Variants in SLC4A3 observed in about 807,000 individuals in gnomAD.
The protein encoded by SLC4A3 is solute carrier family 4 member 3.
In SLC4A3, 47 loss-of-function variants were observed where a neutral mutation model predicts 114.2. The ratio of observed to expected loss-of-function variants is 0.41; its 90% CI spans 0.33 to 0.52. The LOEUF is 0.52. Ranked by LOEUF, SLC4A3 falls within the 20% of genes least tolerant of loss-of-function variation. SLC4A3 has a pLI of 0.21. For missense variants in SLC4A3, 1,312 were observed against 1,668.3 expected (o/e 0.79, Z 3.72); for synonymous variants, 693 against 710.3 (o/e 0.98, Z 0.39).
rs141276668 is a variant in SLC4A3, at chr2:219,635,483, G to A, written c.1959G>A (p.Thr653=). Residue 653 remains threonine (T), a synonymous_variant, in exon 13 of 23, where the codon ACG becomes ACA. Transcript: ENST00000358055. The part of the protein sequence containing the change: ...KVEMTTRGGY[T]APGKELSLEL... Reference sequence around the variant, plus strand: ...AGATGACCACACGGGGTGGCTACACGGCCCCTGGGAAAGGTCAGACCCTTG... The same window carrying A: ...AGATGACCACACGGGGTGGCTACACAGCCCCTGGGAAAGGTCAGACCCTTG... 5.7e-5 allele frequency: 92 copies of A among 1,610,720 alleles called. No homozygotes were observed. In the African/African-American group the frequency reaches 1.0e-3, roughly 18 times the overall value.
chr2:219,641,785 C>T lies in SLC4A3; in HGVS notation c.*57C>T, dbSNP rs1699335084. 17 of 1,447,298 alleles carry T rather than the reference C, an allele frequency of 1.2e-5. No homozygotes were observed. In the South Asian group the frequency reaches 2.0e-4, roughly 17 times the overall value. 89.7% of individuals were successfully genotyped at this position (1,447,298 alleles called of 1,614,324 possible). A position where few individuals can be genotyped will look rare whatever the true frequency, so the allele number is the denominator to read the frequency against. ...AGACCTTAGGGATTGACACCTGGGC[C>T]TCAGGCAGAGCCCAGCCCTGGGCTG... On this transcript the variant is annotated 3_prime_UTR_variant, in exon 23 of 23. Transcript: ENST00000358055. This position sits in a 1 kb window ranked among gnomAD's most constrained non-coding sequence, Gnocchi z 4.0.
At chr2:219,627,768 G>A (rs1574641875) in intron 1 of SLC4A3, 23 bp downstream of exon 1, 2 of 351,428 alleles carry the variant, frequency 5.7e-6, no homozygotes, top group South Asian at 1.1e-4. Context: ...GGGGCACGCC[G>A]GGCAGGGCGG....
In SLC4A3 at chr2:219,639,523, C is replaced by T; in HGVS notation, c.3065C>T (p.Ser1022Phe). ...AAGGCGCGGAGGCTGCTCAAGGGCT[C>T]CGGTTTCCACCTGGACCTGCTCCTC... ...SQKARRLLKG[S>F]GFHLDLLLIG... is the part of the protein sequence containing the mutation. The change falls in exon 20 of 23, where the codon TCC becomes TTC. Residue 1022 changes from serine (S) to phenylalanine (F), a missense_variant. Physicochemically the swap from Ser to Phe is radical, Grantham distance 155. Coordinates refer to ENST00000358055, the MANE Select transcript of SLC4A3 (RefSeq NM_005070.4). This position sits in a 1 kb window ranked among gnomAD's most constrained non-coding sequence, Gnocchi z 5.9. 6.2e-7 allele frequency: 1 copy of T among 1,614,034 alleles called. No individual in the cohort carries two copies. Among genetic ancestry groups the T allele is most frequent in the Non-Finnish European group, 8.5e-7 (1 of 1,180,038 alleles).
rs1699235052 is a variant in SLC4A3 at position 219,639,273 on chromosome 2, T to C, written c.3024-209T>C. 1.3e-5 allele frequency among the ~76,000 whole-genome samples: 2 copies of C among 152,178 alleles called. No individual in the cohort carries two copies. Among genetic ancestry groups the C allele is most frequent in the Non-Finnish European group, 2.9e-5 (2 of 68,034 alleles). On this transcript the variant is annotated intron_variant, in intron 19 of 22. Transcript: ENST00000358055. The surrounding 1 kb of genome is among the most constrained non-coding windows in gnomAD (Gnocchi z 5.9). ...ATCTGGCATCTGGCTTTTGTGGTGT[T>C]TTAAATATTCACAGTATGAGAATTT...
rs1384546666 is a variant in SLC4A3, at chr2:219,637,307, GTGTA to G, written c.2536-266_2536-263del. On this transcript the variant is annotated intron_variant, in intron 16 of 22. Transcript: ENST00000358055. The surrounding 1 kb of genome is among the most constrained non-coding windows in gnomAD (Gnocchi z 4.6). ...TGTGTGTGCATGTTGTGTGTGTTGT[GTGTA>G]TGTATGTTGTGTGTGTGGTGTGTAT... Among the ~76,000 whole-genome samples, 16 of 151,468 alleles carry G rather than the reference GTGTA, an allele frequency of 1.1e-4. No homozygotes were observed. The highest frequency in any genetic ancestry group is 4.0e-4 in the Admixed American group (6 of 15,164).
rs949324695 is a variant in SLC4A3 at position 219,632,154 on chromosome 2, T to C, written c.960+38T>C. ...ACTGGGTGGGCCTGTGGCTTCCTCATGCCCCTCGGCCCCGGAGCCCTCCTC... is the reference window on the plus strand; with the variant it reads ...ACTGGGTGGGCCTGTGGCTTCCTCACGCCCCTCGGCCCCGGAGCCCTCCTC... On this transcript the variant is annotated intron_variant, in intron 7 of 22. Coordinates refer to ENST00000358055, the MANE Select transcript of SLC4A3 (RefSeq NM_005070.4). The C allele has an allele frequency of 1.9e-6, 3 of 1,608,416 alleles. No individual in the cohort carries two copies. The South Asian group carries it at 3.3e-5, about 18-fold the overall frequency.
rs1424077289 is a variant in SLC4A3, at chr2:219,641,934, G to T, written c.*206G>T. On this transcript the variant is annotated 3_prime_UTR_variant, in exon 23 of 23. Transcript: ENST00000358055. The surrounding 1 kb of genome is among the most constrained non-coding windows in gnomAD (Gnocchi z 4.0). ...ACCTTTCACAGACCAGACCGGCACA[G>T]GCTTTGAGCTCATTATAACCACACT... is the stretch of plus-strand genomic sequence containing the variant. 21 of 538,252 alleles carry T rather than the reference G, an allele frequency of 3.9e-5. No individual in the cohort carries two copies. In the Admixed American group the frequency reaches 6.8e-4, roughly 17 times the overall value. The allele number at this position is 538,252 out of a possible 1,614,324, so 33.3% of individuals were successfully genotyped here.
At position 219,637,697 on chromosome 2, in the gene SLC4A3, C is replaced by T; in HGVS notation, c.2652C>T (p.Pro884=). 6.2e-7 allele frequency: 1 copy of T among 1,613,224 alleles called. No homozygotes were observed. ...GSALPPTEGP[P]SPRNQPNTAL... ...CCCTGCCCCCCACCGAGGGCCCCCCCAGCCCGAGGAACCAGCCCAATACGG... is the reference window on the plus strand; with the variant it reads ...CCCTGCCCCCCACCGAGGGCCCCCCTAGCCCGAGGAACCAGCCCAATACGG... The change falls in exon 17 of 23, where the codon CCC becomes CCT. Residue 884 remains proline, a synonymous_variant. Transcript: ENST00000358055. This position sits in a 1 kb window ranked among gnomAD's most constrained non-coding sequence, Gnocchi z 4.6.
chr2:219,631,900 G>A lies in SLC4A3; in HGVS notation c.812-68G>A, dbSNP rs1402498339. The A allele has an allele frequency of 8.0e-6, 12 of 1,503,164 alleles. No homozygotes were observed. Among genetic ancestry groups the A allele is most frequent in the Middle Eastern group, 4.8e-4 (2 of 4,150 alleles). 93.1% of individuals were successfully genotyped at this position (1,503,164 alleles called of 1,614,324 possible). A position where few individuals can be genotyped will look rare whatever the true frequency, so the allele number is the denominator to read the frequency against. On this transcript the variant is annotated intron_variant, in intron 6 of 22. Transcript: ENST00000358055. The surrounding 1 kb of genome is among the most constrained non-coding windows in gnomAD (Gnocchi z 6.3). ...CACCAAGTAGATGGGTTGGGCAGAAGGAGCTGGGCCGTGACCCCGAGGGCC... is the reference window on the plus strand; with the variant it reads ...CACCAAGTAGATGGGTTGGGCAGAAAGAGCTGGGCCGTGACCCCGAGGGCC...
intron 12 of SLC4A3, 49 bp from the exon 13 acceptor site, chr2:219,635,222 A>G: frequency 6.6e-7 from 1 of 1,515,672 alleles, no homozygotes; most frequent in Non-Finnish European, 9.1e-7. Context: ...TCCCTCCTGG[A>G]GGCTCCCTTG....
At position 219,641,135 on chromosome 2, in the gene SLC4A3, C is replaced by A. The variant is rs371717857; in HGVS notation, c.3621+173C>A. On this transcript the variant is annotated intron_variant, in intron 22 of 22. Transcript: ENST00000358055. The surrounding 1 kb of genome is among the most constrained non-coding windows in gnomAD (Gnocchi z 4.0). ...CCTGTATAATAGGGGTGATCATAGA[C>A]CCTACCTTATAGGACTGTTGGGAGG... Among the ~76,000 whole-genome samples the A allele has an allele frequency of 3.3e-5, 5 of 152,156 alleles. No individual in the cohort carries two copies.
rs140440972 is a variant in SLC4A3 at position 219,635,486 on chromosome 2, C to A, written c.1962C>A (p.Ala654=). ...TGACCACACGGGGTGGCTACACGGCCCCTGGGAAAGGTCAGACCCTTGGAG... is the reference window on the plus strand; with the variant it reads ...TGACCACACGGGGTGGCTACACGGCACCTGGGAAAGGTCAGACCCTTGGAG... ...VEMTTRGGYT[A]PGKELSLELG... is the part of the protein sequence containing the mutation. Residue 654 remains alanine (A), a synonymous_variant, in exon 13 of 23, where the codon GCC becomes GCA. Coordinates refer to ENST00000358055, the MANE Select transcript of SLC4A3 (RefSeq NM_005070.4). The A allele has an allele frequency of 1.3e-3, 2,078 of 1,609,908 alleles. 36 individuals carry two copies. The Admixed American group carries it at 0.02, about 16-fold the overall frequency.
At chr2:219,634,653 C>G in intron 12 of SLC4A3, 49 bp downstream of exon 12, 1 of 1,581,206 alleles carries the variant, frequency 6.3e-7, no homozygotes, top group Non-Finnish European at 8.6e-7. Flanking sequence ...GCCCTGCTTA[C>G]CCCTGTCCCT....
rs1472442486 is a variant in SLC4A3 at position 219,631,393 on chromosome 2, A to T, written c.812-575A>T. 1 of 1,304,112 alleles carries T rather than the reference A, an allele frequency of 7.7e-7. No homozygotes were observed. The highest frequency in any genetic ancestry group is 1.0e-6 in the Non-Finnish European group (1 of 988,944). 80.8% of individuals were successfully genotyped at this position (1,304,112 alleles called of 1,614,324 possible). A position where few individuals can be genotyped will look rare whatever the true frequency, so the allele number is the denominator to read the frequency against. On this transcript the variant is annotated intron_variant, in intron 6 of 22. Transcript: ENST00000358055. This position sits in a 1 kb window ranked among gnomAD's most constrained non-coding sequence, Gnocchi z 6.3. The stretch of plus-strand genomic sequence containing the variant: ...TTAGAGATGTTTGTGCTGGACTTTG[A>T]GGATGGTGACCTGTGGGAGTCCATC...
At chr2:219,635,140 G>T in intron 12 of SLC4A3, 131 bp from the exon 13 acceptor site, 1 of 691,886 alleles carries the variant, frequency 1.4e-6, no homozygotes, top group Non-Finnish European at 2.5e-6. Flanking sequence ...CAACACTGTT[G>T]GACTGGCCCA....
intron 5 of SLC4A3, 110 bp downstream of exon 5, chr2:219,629,805 T>C: frequency 2.7e-6 from 1 of 371,284 alleles, no homozygotes; most frequent in Non-Finnish European, 4.4e-6. Flanking sequence ...GCTCTGACCC[T>C]GAGAAAAGAG....
Position 219,632,360 on chromosome 2 carries a change from G to A in SLC4A3, c.1059G>A (p.Glu353=), listed in dbSNP as rs1698956695. 3 of 1,614,100 alleles carry A rather than the reference G, an allele frequency of 1.9e-6. No individual in the cohort carries two copies. Among genetic ancestry groups the A allele is most frequent in the Non-Finnish European group, 1.7e-6 (2 of 1,179,982 alleles). Residue 353 remains glutamate (E), a synonymous_variant, in exon 8 of 23, where the codon GAG becomes GAA. Coordinates refer to ENST00000358055, the MANE Select transcript of SLC4A3 (RefSeq NM_005070.4). ...TCAAGTTTGAGGAGGACGTGGAGGA[G>A]GAGACGGAGCGCTGGGGGAAGCCCC... The part of the protein sequence containing the change: ...RWIKFEEDVE[E]ETERWGKPHV...
chr2:219,629,391 C>T lies in SLC4A3; in HGVS notation c.465C>T (p.Pro155=), dbSNP rs776239401. The T allele has an allele frequency of 1.9e-6, 3 of 1,589,456 alleles. 1 individual carries two copies. Among genetic ancestry groups the T allele is most frequent in the African/African-American group, 2.7e-5 (2 of 74,246 alleles). The stretch of plus-strand genomic sequence containing the variant: ...AATCTGAGGCAGAACCTGTGGAGCC[C>T]CCCCACTCAGGGACCCCACAGAAGG... ...EGESEAEPVE[P]PHSGTPQKAK... The change falls in exon 4 of 23, where the codon CCC becomes CCT. Residue 155 remains proline, a synonymous_variant. Transcript: ENST00000358055.
At position 219,631,337 on chromosome 2, in the gene SLC4A3, C is replaced by T. The variant is rs1559198320; in HGVS notation, c.812-631C>T. 5 of 1,304,234 alleles carry T rather than the reference C, an allele frequency of 3.8e-6. No individual in the cohort carries two copies. Among genetic ancestry groups the T allele is most frequent in the Admixed American group, 2.3e-5 (1 of 43,564 alleles). 80.8% of individuals were successfully genotyped at this position (1,304,234 alleles called of 1,614,324 possible). ...GGGGCTTTGGGAGGGATCCAGCCCC[C>T]AGTCCTCGAGACTCACTGGCCCCGG... On this transcript the variant is annotated intron_variant, in intron 6 of 22. Coordinates refer to ENST00000358055, the MANE Select transcript of SLC4A3 (RefSeq NM_005070.4). The surrounding 1 kb of genome is among the most constrained non-coding windows in gnomAD (Gnocchi z 6.3).
Sources: gnomAD v4.1 joint callset for allele counts (sites outside exome capture counted in the v4.1 genomes callset) on GRCh38, gnomAD v4.1.1 for gene constraint, Gnocchi (gnomAD v3.1) non-coding constraint, MANE v1.5 for transcripts, NCBI Gene and HGNC (gene_info 2026-07-23, HGNC 2026-07-21) for gene names.